The following MSRA variants were observed in gnomAD, a reference collection of about 807,000 sequenced individuals.
MSRA encodes the protein mitochondrial peptide methionine sulfoxide reductase.
Under a neutral mutation model 31.3 loss-of-function variants are expected in MSRA, and 54 were observed. The observed-to-expected ratio is 1.73, with a 90% CI of 1.39 to 2.17. MSRA has a LOEUF of 2.17. MSRA is among the 30% of genes most tolerant of loss of function. The pLI, the probability that MSRA is intolerant of heterozygous loss-of-function variation, is 0.00. For missense variants in MSRA, 507 were observed against 300.9 expected (o/e 1.69, Z -5.07); for synonymous variants, 169 against 116.5 (o/e 1.45, Z -2.90).
At chr8:10,136,135 C>T (rs1488775103) in intron 1 of MSRA, among the ~76,000 whole-genome samples, 1 of 152,186 alleles carries the variant, frequency 6.6e-6, no homozygotes, top group East Asian at 1.9e-4. Context: ...TGGGCTGTAA[C>T]TTAGAAGTCA....
chr8:10,418,510 A>G (rs1808614031), intron 5 of MSRA, among the ~76,000 whole-genome samples: 1 of 152,086 alleles, frequency 6.6e-6, no homozygotes. Context: ...TCATGGTTGG[A>G]TGGACTCCAG....
At chr8:10,186,245 C>T (rs915819455) in intron 1 of MSRA, among the ~76,000 whole-genome samples, 7 of 152,102 alleles carry the variant, frequency 4.6e-5, no homozygotes, top group African/African-American at 1.7e-4. Flanking sequence ...TGTTCTAGGA[C>T]AGGGGCTGGC....
chr8:10,306,075 G>A (rs1297230670), intron 4 of MSRA, among the ~76,000 whole-genome samples: 1 of 152,164 alleles, frequency 6.6e-6, no homozygotes, highest in African/African-American at 2.4e-5. Context: ...ACTGGCAGGT[G>A]TACATTCCTG....
intron 1 of MSRA, among the ~76,000 whole-genome samples, chr8:10,138,170 T>G (rs1255088476): frequency 6.6e-6 from 1 of 152,182 alleles, no homozygotes; most frequent in Non-Finnish European, 1.5e-5. Flanking sequence ...GAGAGAGGCG[T>G]GACTGGGATG....
At chr8:10,301,123 G>T (rs904992399) in intron 3 of MSRA, among the ~76,000 whole-genome samples, 1 of 152,182 alleles carries the variant, frequency 6.6e-6, no homozygotes, top group Non-Finnish European at 1.5e-5. Context: ...CTGTGGTGCA[G>T]CTGAGCTCAC....
intron 1 of MSRA, among the ~76,000 whole-genome samples, chr8:10,205,919 C>T (rs1479084086): frequency 6.6e-6 from 1 of 152,202 alleles, no homozygotes; most frequent in Non-Finnish European, 1.5e-5. Flanking sequence ...ATATTCCATT[C>T]ATTTGATAAA....
At chr8:10,124,454 C>A (rs1801350175) in intron 1 of MSRA, among the ~76,000 whole-genome samples, 2 of 152,152 alleles carry the variant, frequency 1.3e-5, no homozygotes, top group South Asian at 4.1e-4. Flanking sequence ...AATATCTGCT[C>A]CCATTTCAGG....
chr8:10,327,479 A>C (rs1022512959), intron 5 of MSRA, among the ~76,000 whole-genome samples: 1 of 152,208 alleles, frequency 6.6e-6, no homozygotes, highest in African/African-American at 2.4e-5. Flanking sequence ...TTCAAAAATA[A>C]AGGTTCAGTT....
intron 1 of MSRA, among the ~76,000 whole-genome samples, chr8:10,179,153 T>G (rs974438979): frequency 6.6e-6 from 1 of 152,284 alleles, no homozygotes; most frequent in African/African-American, 2.4e-5. Context: ...AGGACAACAT[T>G]ATCTTTTAAT....
In MSRA at chr8:10,323,047, A is replaced by G. The variant is rs915046130; in HGVS notation, c.543+3058A>G. On this transcript the variant is annotated intron_variant, in intron 5 of 5. Transcript: ENST00000317173. Reference sequence around the variant, plus strand: ...AAAGGTTGCACTGAGCTGAGATTGCATTACTAAACTCCAGCCTGGGCAACA... The same window carrying G: ...AAAGGTTGCACTGAGCTGAGATTGCGTTACTAAACTCCAGCCTGGGCAACA... Among the ~76,000 whole-genome samples, 4 of 146,038 alleles carry G rather than the reference A, an allele frequency of 2.7e-5. No homozygotes were observed. In the Admixed American group the frequency reaches 2.9e-4, roughly 10 times the overall value.
chr8:10,209,083 A>G (rs908509239), intron 2 of MSRA, among the ~76,000 whole-genome samples: 3 of 152,220 alleles, frequency 2.0e-5, no homozygotes, highest in African/African-American at 7.2e-5. Flanking sequence ...CTTTTAAAAC[A>G]TACTGATCAG....
At chr8:10,284,718 G>A (rs79876662) in intron 3 of MSRA, among the ~76,000 whole-genome samples, 4 of 152,060 alleles carry the variant, frequency 2.6e-5, no homozygotes, top group African/African-American at 4.8e-5. Context: ...TTCTGACTCC[G>A]CCCCTCAGTG....
chr8:10,369,266 G>A (rs1435188060), intron 5 of MSRA, among the ~76,000 whole-genome samples: 2 of 147,642 alleles, frequency 1.4e-5, no homozygotes, highest in Non-Finnish European at 1.5e-5. Flanking sequence ...AAAAAAAAAC[G>A]AAGAAGAAAT....
intron 1 of MSRA, among the ~76,000 whole-genome samples, chr8:10,116,153 A>C (rs923558273): frequency 1.3e-5 from 2 of 152,330 alleles, no homozygotes; most frequent in Non-Finnish European, 2.9e-5. Context: ...ACTAAAACTC[A>C]AGTTAGATTA....
At chr8:10,061,523 G>A (rs1460865243) in intron 1 of MSRA, among the ~76,000 whole-genome samples, 1 of 151,988 alleles carries the variant, frequency 6.6e-6, no homozygotes, top group Admixed American at 6.5e-5. Context: ...TTATTGCACG[G>A]AACTCGCACA....
intron 3 of MSRA, among the ~76,000 whole-genome samples, chr8:10,259,838 C>T (rs763752806): frequency 6.6e-6 from 1 of 152,198 alleles, no homozygotes; most frequent in Non-Finnish European, 1.5e-5. Context: ...CGGCTTCTTC[C>T]ATGGCAGTCG....
intron 5 of MSRA, among the ~76,000 whole-genome samples, chr8:10,333,730 C>T (rs187213344): frequency 1.6e-4 from 24 of 152,010 alleles, no homozygotes; most frequent in Non-Finnish European, 2.8e-4. Flanking sequence ...GCCGGCCCCC[C>T]TCCATGTTCG....
intron 1 of MSRA, among the ~76,000 whole-genome samples, chr8:10,185,079 A>T (rs945230421): frequency 2.6e-5 from 4 of 152,220 alleles, no homozygotes; most frequent in Non-Finnish European, 4.4e-5. Flanking sequence ...ATTTACCATG[A>T]AATCCTCTCT....
intron 5 of MSRA, among the ~76,000 whole-genome samples, chr8:10,399,699 C>G (rs752687751): frequency 1.3e-5 from 2 of 152,210 alleles, no homozygotes; most frequent in African/African-American, 4.8e-5. Flanking sequence ...AAACAATAGG[C>G]TTCCCTGTAG....
Sources: allele counts gnomAD v4.1 joint callset (sites outside exome capture counted in the v4.1 genomes callset), GRCh38; gene constraint gnomAD v4.1.1; transcripts MANE v1.5; gene names NCBI Gene and HGNC (gene_info 2026-07-23, HGNC 2026-07-21).